Variants in NPIPB8 observed in about 807,000 individuals in gnomAD.
NPIPB8 encodes nuclear pore complex interacting protein family member B8, also known as nuclear pore complex-interacting protein family member B8.
In NPIPB8, 3 loss-of-function variants were observed where a neutral mutation model predicts 5.3. That is an observed-to-expected ratio of 0.57 (90% confidence interval 0.26 to 1.47). The LOEUF is 1.47. Among genes scored for constraint, NPIPB8 ranks in the 40% most tolerant of loss-of-function variants. The pLI is 0.13. For missense variants in NPIPB8, 50 were observed against 50.2 expected, an observed-to-expected ratio of 1.00 and a Z score of 0.01; for synonymous variants, 18 against 23.0, an observed-to-expected ratio of 0.78 and a Z score of 0.62.
chr16:28,651,231 C>A (rs2048036625), intron 3 of NPIPB8, among the ~76,000 whole-genome samples: 1 of 36,986 alleles, frequency 2.7e-5, no homozygotes, highest in Non-Finnish European at 4.5e-5. Context: ...GATTCACCCG[C>A]CTCAGCCTCC....
chr16:28,641,556 T>C (rs1567330196), intron 2 of NPIPB8, among the ~76,000 whole-genome samples: 1 of 141,252 alleles, frequency 7.1e-6, no homozygotes, highest in South Asian at 2.2e-4. Context: ...CTTCTGGCCT[T>C]CCCTCATCAG....
intron 2 of NPIPB8, among the ~76,000 whole-genome samples, chr16:28,641,933 C>T (rs1211350371): frequency 7.1e-6 from 1 of 140,164 alleles, no homozygotes; most frequent in African/African-American, 2.7e-5. Context: ...AGACCCCAAA[C>T]TCTGCTCACA....
chr16:28,644,744 C>T (rs2047969521), intron 2 of NPIPB8: 1 of 777,790 alleles, frequency 1.3e-6, no homozygotes, highest in Non-Finnish European at 1.8e-6. Context: ...CCTGTAATCC[C>T]AGCACTTTAG....
At chr16:28,639,941 A>C (rs1294377003) in intron 2 of NPIPB8, among the ~76,000 whole-genome samples, 24 of 151,020 alleles carry the variant, frequency 1.6e-4, no homozygotes, top group Non-Finnish European at 2.8e-4. Context: ...ATGAAGCTAC[A>C]TGGCTAACAT....
At chr16:28,652,395 T>C (rs1465557901) in intron 5 of NPIPB8, 31 bp downstream of exon 5, 1 of 173,844 alleles carries the variant, frequency 5.8e-6, no homozygotes, top group East Asian at 1.2e-4. Flanking sequence ...AATACTGTTG[T>C]ATGAACCATG....
At chr16:28,641,014 A>G (rs2047886297) in intron 2 of NPIPB8, among the ~76,000 whole-genome samples, 1 of 151,942 alleles carries the variant, frequency 6.6e-6, no homozygotes, top group Non-Finnish European at 1.5e-5. Flanking sequence ...GAGTGCTCAG[A>G]TTAGGGCTGG....
chr16:28,651,284 ATTTTTT>A (rs1242473443), intron 3 of NPIPB8, among the ~76,000 whole-genome samples: 1 of 10,954 alleles, frequency 9.1e-5, no homozygotes, highest in African/African-American at 6.1e-4. Context: ...CACCTGGGCT[ATTTTTT>A]TTTTTTTTTT....
chr16:28,643,162 A>C (rs372926494), intron 2 of NPIPB8, among the ~76,000 whole-genome samples: 327 of 150,656 alleles, frequency 2.2e-3, no homozygotes, highest in Non-Finnish European at 3.2e-3. Context: ...AGAGAAGCTG[A>C]TGAACTTTGT....
intron 2 of NPIPB8, among the ~76,000 whole-genome samples, chr16:28,642,280 A>G (rs1020318638): frequency 5.0e-4 from 75 of 150,876 alleles, no homozygotes; most frequent in Admixed American, 4.8e-3. Flanking sequence ...TAATTTTTGT[A>G]TTTTTAGTAG....
intron 2 of NPIPB8, among the ~76,000 whole-genome samples, chr16:28,640,780 C>T (rs1437847952): frequency 2.6e-5 from 4 of 152,016 alleles, no homozygotes; most frequent in African/African-American, 9.7e-5. Flanking sequence ...GCAGTTTGGT[C>T]GAATGTAATC....
chr16:28,639,394 T>TAG (rs2047850663), intron 2 of NPIPB8, among the ~76,000 whole-genome samples: 1 of 137,496 alleles, frequency 7.3e-6, no homozygotes, highest in African/African-American at 2.7e-5. Context: ...GAGATTTATA[T>TAG]AGATACACAC....
intron 2 of NPIPB8, among the ~76,000 whole-genome samples, chr16:28,643,115 G>C (rs1397247107): frequency 2.6e-5 from 4 of 150,970 alleles, no homozygotes; most frequent in Non-Finnish European, 1.5e-5. Context: ...ACATGATGCT[G>C]CCAAGCCCTC....
At chr16:28,645,254 C>G (rs1039188392) in intron 2 of NPIPB8, among the ~76,000 whole-genome samples, 1 of 110,370 alleles carries the variant, frequency 9.1e-6, no homozygotes, top group East Asian at 2.2e-4. Context: ...TAGTCTCCAT[C>G]TCTTGACCTC....
chr16:28,640,740 C>T (rs1486274821), intron 2 of NPIPB8, among the ~76,000 whole-genome samples: 1 of 152,104 alleles, frequency 6.6e-6, no homozygotes, highest in African/African-American at 2.4e-5. Context: ...TCATCACCAG[C>T]ATGATTAAAC....
intron 2 of NPIPB8, among the ~76,000 whole-genome samples, chr16:28,642,346 C>T (rs1412894247): frequency 6.6e-6 from 1 of 151,968 alleles, no homozygotes; most frequent in East Asian, 1.9e-4. Context: ...CCTTGTGATC[C>T]ACCTACCTCA....
intron 2 of NPIPB8, chr16:28,644,596 C>T (rs1341705325): frequency 2.0e-6 from 3 of 1,531,582 alleles, no homozygotes; most frequent in Non-Finnish European, 1.8e-6. Flanking sequence ...GGACATGCGG[C>T]TGCGCTTTTG....
At chr16:28,639,820 T>C (rs1321215287) in intron 2 of NPIPB8, among the ~76,000 whole-genome samples, 1 of 150,500 alleles carries the variant, frequency 6.6e-6, no homozygotes, top group East Asian at 1.9e-4. Context: ...ATATGCATAG[T>C]TTTACCCTGT....
intron 2 of NPIPB8, among the ~76,000 whole-genome samples, chr16:28,641,542 C>T (rs1183428879): frequency 1.4e-5 from 2 of 141,908 alleles, no homozygotes. Flanking sequence ...CCTAGGAGCC[C>T]TACCTTCTGG....
intron 3 of NPIPB8, among the ~76,000 whole-genome samples, chr16:28,651,018 C>T (rs2151762881): frequency 9.7e-6 from 1 of 102,776 alleles, no homozygotes; most frequent in Middle Eastern, 4.5e-3. Context: ...CGGAGTCTCA[C>T]TCTGTCACCA....
Sources: allele counts gnomAD v4.1 joint callset (sites outside exome capture counted in the v4.1 genomes callset), GRCh38; gene constraint gnomAD v4.1.1; transcripts MANE v1.5; gene names NCBI Gene and HGNC (gene_info 2026-07-23, HGNC 2026-07-21).